Variants in RGS6 observed in about 807,000 individuals in gnomAD.
The protein encoded by RGS6 is regulator of G-protein signaling 6.
In RGS6, 30 loss-of-function variants were observed where a neutral mutation model predicts 78.5. That is an observed-to-expected ratio of 0.38 (90% CI 0.29 to 0.52). RGS6 has a LOEUF of 0.52. Among genes scored for constraint, RGS6 ranks in the 20% least tolerant of loss-of-function variants. RGS6 has a pLI of 0.85. For missense variants in RGS6, 495 were observed against 609.7 expected (o/e 0.81, Z 1.98); for synonymous variants, 206 against 206.0 (o/e 1.00, Z 0.00).
At chr14:72,555,910 G>A (rs2153541695) in intron 17 of RGS6, among the ~76,000 whole-genome samples, 1 of 152,240 alleles carries the variant, frequency 6.6e-6, no homozygotes, top group East Asian at 1.9e-4. Flanking sequence ...TACCTAGTGG[G>A]GGACCATTCC....
chr14:72,100,551 C>A (rs137904712), intron 2 of RGS6, among the ~76,000 whole-genome samples: 5 of 152,064 alleles, frequency 3.3e-5, no homozygotes, highest in African/African-American at 1.2e-4. Flanking sequence ...AGGCATCGTG[C>A]GGACAGGGGA....
intron 6 of RGS6, among the ~76,000 whole-genome samples, chr14:72,461,071 A>G (rs2095765962): frequency 6.6e-6 from 1 of 152,100 alleles, no homozygotes; most frequent in South Asian, 2.1e-4. Flanking sequence ...AACCAATGTG[A>G]TAAGTGGATC....
At chr14:72,161,052 T>C (rs981482463) in intron 2 of RGS6, among the ~76,000 whole-genome samples, 10 of 152,218 alleles carry the variant, frequency 6.6e-5, no homozygotes, top group Non-Finnish European at 1.5e-4. Context: ...CATGGAATGC[T>C]ATGCAGCCAT....
intron 3 of RGS6, among the ~76,000 whole-genome samples, chr14:72,410,068 A>G (rs1258061781): frequency 8.5e-5 from 13 of 152,248 alleles, no homozygotes; most frequent in South Asian, 4.1e-4. Context: ...TAATCCTTTG[A>G]GTATATACCC....
chr14:72,078,419 CTTTT>C (rs202172431), intron 2 of RGS6, among the ~76,000 whole-genome samples: 2 of 148,264 alleles, frequency 1.3e-5, no homozygotes, highest in East Asian at 3.9e-4. Flanking sequence ...TTCTTTCTTT[CTTTT>C]TTTTTTAAGA....
At chr14:72,126,803 C>T (rs75570140) in intron 2 of RGS6, among the ~76,000 whole-genome samples, 1,630 of 152,198 alleles carry the variant, frequency 0.011, 23 homozygotes, top group African/African-American at 0.037. Context: ...ATAAGGAAAA[C>T]GCAGCTTTTG....
At chr14:71,948,739 T>TTTTTTTTA (rs2091916224) in intron 1 of RGS6, among the ~76,000 whole-genome samples, 1 of 31,046 alleles carries the variant, frequency 3.2e-5, no homozygotes, top group African/African-American at 2.1e-4. Context: ...TCTCTCTCTC[T>TTTTTTTTA]CTTTTTTTTT....
At chr14:72,402,746 A>G (rs2092554897) in intron 3 of RGS6, among the ~76,000 whole-genome samples, 1 of 144,250 alleles carries the variant, frequency 6.9e-6, no homozygotes, top group South Asian at 2.2e-4. Context: ...CAATCCTACT[A>G]CTAGGTTTCT....
chr14:72,519,100 T>A (rs987575401), intron 15 of RGS6, among the ~76,000 whole-genome samples: 2 of 152,188 alleles, frequency 1.3e-5, no homozygotes, highest in African/African-American at 4.8e-5. Flanking sequence ...AATGGGCAAC[T>A]TCAACAGTGT....
chr14:72,484,931 A>ATTT (rs550497245), intron 12 of RGS6, among the ~76,000 whole-genome samples: 5 of 117,966 alleles, frequency 4.2e-5, no homozygotes, highest in African/African-American at 1.6e-4. Context: ...CATCTGGTAG[A>ATTT]TTTTTTTTTT....
the RGS6 span, among the ~76,000 whole-genome samples, chr14:71,868,840 A>C: frequency 6.6e-6 from 1 of 151,952 alleles, no homozygotes; most frequent in East Asian, 1.9e-4. Context: ...GGGAGCCACA[A>C]CTCTACTGTG....
intron 17 of RGS6, chr14:72,540,533 C>A: frequency 6.4e-7 from 1 of 1,573,614 alleles, no homozygotes; most frequent in East Asian, 2.3e-5. Flanking sequence ...TGAACCCTGG[C>A]AGTCACGCCG....
chr14:71,984,843 C>G (rs763834643), intron 2 of RGS6, among the ~76,000 whole-genome samples: 16 of 151,940 alleles, frequency 1.1e-4, no homozygotes, highest in Non-Finnish European at 1.6e-4. Flanking sequence ...TTTTCCATTC[C>G]TCTTCAGAAA....
At chr14:72,226,711 T>C (rs1270656586) in intron 2 of RGS6, among the ~76,000 whole-genome samples, 8 of 152,250 alleles carry the variant, frequency 5.3e-5, no homozygotes, top group African/African-American at 1.9e-4. Context: ...GATTGATTGC[T>C]TGATTGATTG....
chr14:72,513,715 T>A (rs1243960258), intron 14 of RGS6, among the ~76,000 whole-genome samples: 3 of 152,048 alleles, frequency 2.0e-5, no homozygotes, highest in Admixed American at 2.0e-4. Flanking sequence ...CTCTCCCACA[T>A]CTCCCCTACA....
chr14:72,264,384 G>T (rs1157646717), intron 2 of RGS6, among the ~76,000 whole-genome samples: 2 of 152,186 alleles, frequency 1.3e-5, no homozygotes, highest in African/African-American at 4.8e-5. Context: ...CAAACTTTCA[G>T]CCAATATCTT....
At chr14:71,926,580 T>A in the RGS6 span, among the ~76,000 whole-genome samples, 1 of 98,968 alleles carries the variant, frequency 1.0e-5, no homozygotes, top group African/African-American at 4.2e-5. Context: ...TGAGACTCTG[T>A]CTCAGAAAAA....
chr14:72,480,993 A>C (rs2096366375), intron 12 of RGS6, among the ~76,000 whole-genome samples: 1 of 152,192 alleles, frequency 6.6e-6, no homozygotes, highest in Non-Finnish European at 1.5e-5. Flanking sequence ...CCAGACCAGC[A>C]GGGAGGGAAA....
chr14:72,052,982 T>TC (rs2093367506), intron 2 of RGS6, among the ~76,000 whole-genome samples: 1 of 42,418 alleles, frequency 2.4e-5, no homozygotes. Flanking sequence ...TCTTTCTTTC[T>TC]TTCTCTCTCT....
Sources: gnomAD v4.1 joint callset for allele counts (sites outside exome capture counted in the v4.1 genomes callset) on GRCh38, gnomAD v4.1.1 for gene constraint, MANE v1.5 for transcripts, NCBI Gene and HGNC (gene_info 2026-07-23, HGNC 2026-07-21) for gene names.